The following PXK variants were observed in gnomAD, a reference collection of about 807,000 sequenced individuals.
PXK encodes PX domain-containing protein kinase-like protein.
In PXK, 35 loss-of-function variants were observed where a neutral mutation model predicts 84.7. The observed-to-expected ratio is 0.41, with a 90% CI of 0.32 to 0.55. The LOEUF (loss-of-function observed/expected upper bound fraction) is 0.55, where lower values mean the gene tolerates loss of function less well. PXK is among the 20% of genes least tolerant of loss of function. PXK has a pLI of 0.21. For synonymous variants in PXK, 253 were observed against 260.8 expected, an observed-to-expected ratio of 0.97 and a Z score of 0.29; for missense variants, 634 against 699.7, an observed-to-expected ratio of 0.91 and a Z score of 1.06.
intron 3 of PXK, 32 bp from the exon 4 acceptor site, chr3:58,382,482 A>G (rs1182087725): frequency 7.0e-6 from 10 of 1,434,150 alleles, no homozygotes; most frequent in South Asian, 1.4e-5. Context: ...TGTGGATGAC[A>G]TGAGTGTAAC....
At position 58,416,034 on chromosome 3, in the gene PXK, C is replaced by T. The variant is rs1393887366; in HGVS notation, c.1528+3071C>T. Among the ~76,000 whole-genome samples the T allele has an allele frequency of 6.6e-6, 1 of 152,112 alleles. No individual in the cohort carries two copies. The highest frequency in any genetic ancestry group is 1.5e-5 in the Non-Finnish European group (1 of 68,010). On this transcript the variant is annotated intron_variant, in intron 17 of 17. Transcript: ENST00000356151. This position sits in a 1 kb window ranked among gnomAD's most constrained non-coding sequence, Gnocchi z 4.8. ...AACTTGCTAGGGGGAGTGACTTTCTCCAAGCCTCTCAAGAAGAAACTTAGA... is the reference window on the plus strand; with the variant it reads ...AACTTGCTAGGGGGAGTGACTTTCTTCAAGCCTCTCAAGAAGAAACTTAGA...
chr3:58,370,392 C>T lies in PXK; in HGVS notation c.201+914C>T, dbSNP rs1480064193. On this transcript the variant is annotated intron_variant, in intron 3 of 17. Coordinates refer to ENST00000356151, the MANE Select transcript of PXK (RefSeq NM_017771.5). This position sits in a 1 kb window ranked among gnomAD's most constrained non-coding sequence, Gnocchi z 4.2. ...CCTTAGGAAGTCCTGCCAATACCCG[C>T]CATGTCTTCACTTGGCAGGCTGGTC... 6.6e-6 allele frequency among the ~76,000 whole-genome samples: 1 copy of T among 152,180 alleles called. No individual in the cohort carries two copies. The highest frequency in any genetic ancestry group is 2.4e-5 in the African/African-American group (1 of 41,442).
chr3:58,405,658 G>A (rs1057325777), intron 13 of PXK, among the ~76,000 whole-genome samples: 2 of 145,332 alleles, frequency 1.4e-5, no homozygotes. Flanking sequence ...CAGCCTGGGC[G>A]ACAGAGTGAG....
intron 4 of PXK, among the ~76,000 whole-genome samples, chr3:58,384,662 T>C (rs2098536257): frequency 2.6e-5 from 4 of 152,204 alleles, no homozygotes; most frequent in African/African-American, 9.6e-5. Flanking sequence ...AAATCAGCCC[T>C]AACCCAGGCC....
chr3:58,398,007 C>T lies in PXK; in HGVS notation c.1102+285C>T, dbSNP rs571669016. 2.0e-5 allele frequency among the ~76,000 whole-genome samples: 3 copies of T among 152,308 alleles called. No homozygotes were observed. The highest frequency in any genetic ancestry group is 7.2e-5 in the African/African-American group (3 of 41,556). Reference sequence around the variant, plus strand: ...AGGATGTAAAGAGAAGTATGGCCTGCATGAGTGTGATGCAGAAGCTAGAGC... The same window carrying T: ...AGGATGTAAAGAGAAGTATGGCCTGTATGAGTGTGATGCAGAAGCTAGAGC... On this transcript the variant is annotated intron_variant, in intron 11 of 17. Transcript: ENST00000356151. The surrounding 1 kb of genome is among the most constrained non-coding windows in gnomAD (Gnocchi z 4.5).
At chr3:58,355,309 C>G (rs1271740082) in intron 1 of PXK, among the ~76,000 whole-genome samples, 3 of 152,098 alleles carry the variant, frequency 2.0e-5, no homozygotes, top group Admixed American at 2.0e-4. Context: ...GGAACACTGA[C>G]AGGTTCTGCA....
rs567467830 is a variant in PXK, at chr3:58,390,595, A to G, written c.402A>G (p.Gln134=). ...YSANYTEIAL[Q]QVSMFFRSEP... Reference sequence around the variant, plus strand: ...ATGTCTTTGCAGAGATTGCCTTGCAACAGGTTTCCATGTTCTTCCGATCAG... The same window carrying G: ...ATGTCTTTGCAGAGATTGCCTTGCAGCAGGTTTCCATGTTCTTCCGATCAG... Residue 134 remains glutamine, a synonymous_variant, in exon 5 of 18, where the codon CAA becomes CAG. Coordinates refer to ENST00000356151, the MANE Select transcript of PXK (RefSeq NM_017771.5). The surrounding 1 kb of genome is among the most constrained non-coding windows in gnomAD (Gnocchi z 4.2). 34 of 1,613,040 alleles carry G rather than the reference A, an allele frequency of 2.1e-5. No homozygotes were observed. The highest frequency in any genetic ancestry group is 1.6e-4 in the Middle Eastern group (1 of 6,084).
intron 13 of PXK, among the ~76,000 whole-genome samples, chr3:58,406,347 G>T (rs1413266361): frequency 6.6e-6 from 1 of 151,608 alleles, no homozygotes; most frequent in African/African-American, 2.4e-5. Context: ...GCAATGACGG[G>T]GCTCAGTGCA....
chr3:58,333,157 C>T lies in PXK; in HGVS notation c.102+67C>T. The stretch of plus-strand genomic sequence containing the variant: ...CGGGCCGCGAGGGGGCTGCGGGCTG[C>T]CTGGCGCGGGCCGGGCAGGGTCGTC... On this transcript the variant is annotated intron_variant, in intron 1 of 17. Coordinates refer to ENST00000356151, the MANE Select transcript of PXK (RefSeq NM_017771.5). The surrounding 1 kb of genome is among the most constrained non-coding windows in gnomAD (Gnocchi z 5.4). The T allele has an allele frequency of 3.2e-6, 3 of 936,650 alleles. 1 individual carries two copies. The highest frequency in any genetic ancestry group is 1.0e-3 in the Middle Eastern group (2 of 1,944). 58.0% of individuals were successfully genotyped at this position (936,650 alleles called of 1,614,324 possible).
rs2098351063 is a variant in PXK at position 58,370,524 on chromosome 3, T to G, written c.201+1046T>G. ...AACCTGAGGAAGAGTGCACGGCTTA[T>G]GAGGTAAAGGACTCAGCCAGGAGGG... On this transcript the variant is annotated intron_variant, in intron 3 of 17. Coordinates refer to ENST00000356151, the MANE Select transcript of PXK (RefSeq NM_017771.5). The surrounding 1 kb of genome is among the most constrained non-coding windows in gnomAD (Gnocchi z 4.2). 6.6e-6 allele frequency among the ~76,000 whole-genome samples: 1 copy of G among 152,166 alleles called. No homozygotes were observed. The highest frequency in any genetic ancestry group is 1.5e-5 in the Non-Finnish European group (1 of 68,032).
chr3:58,424,217 G>C (rs1043075541), intron 17 of PXK, among the ~76,000 whole-genome samples: 26 of 152,216 alleles, frequency 1.7e-4, no homozygotes, highest in Non-Finnish European at 3.1e-4. Flanking sequence ...ATTCCTTGCT[G>C]AGAATCCTGA....
At chr3:58,365,802 A>G (rs2098261411) in intron 1 of PXK, 72 bp from the exon 2 acceptor site, 1 of 1,276,846 alleles carries the variant, frequency 7.8e-7, no homozygotes, top group Non-Finnish European at 1.1e-6. Flanking sequence ...TTTAAAACTT[A>G]TTTTTGATTC....
In PXK at chr3:58,400,557, A is replaced by G. The variant is rs1056387032; in HGVS notation, c.1181+1180A>G. 3.9e-5 allele frequency among the ~76,000 whole-genome samples: 6 copies of G among 152,172 alleles called. 1 individual carries two copies. In the East Asian group the frequency reaches 7.7e-4, roughly 20 times the overall value. The stretch of plus-strand genomic sequence containing the variant: ...ACCAAGCCCCTGCCCCGTGGATGTG[A>G]CATTCTACTGTTCCACAGACACTGA... On this transcript the variant is annotated intron_variant, in intron 12 of 17. Transcript: ENST00000356151. The surrounding 1 kb of genome is among the most constrained non-coding windows in gnomAD (Gnocchi z 4.0).
chr3:58,391,961 C>T, intron 7 of PXK, 114 bp downstream of exon 7: 3 of 950,636 alleles, frequency 3.2e-6, no homozygotes, highest in Non-Finnish European at 3.3e-6. Context: ...CAGTGGATTT[C>T]AGGTCAGACT....
chr3:58,377,180 G>T (rs759321142), intron 3 of PXK, among the ~76,000 whole-genome samples: 17 of 151,612 alleles, frequency 1.1e-4, no homozygotes, highest in Middle Eastern at 3.2e-3. Flanking sequence ...ACATATTTTC[G>T]TAATTATATT....
At chr3:58,374,124 G>A (rs62258075) in intron 3 of PXK, among the ~76,000 whole-genome samples, 43,087 of 148,510 alleles carry the variant, frequency 0.29, 6,908 homozygotes, top group Middle Eastern at 0.39. Context: ...ATAATTTTGG[G>A]CTCTAAATCC....
rs1338014450 is a variant in PXK at position 58,424,976 on chromosome 3, CT to C, written c.*18del. On this transcript the variant is annotated 3_prime_UTR_variant, in exon 18 of 18. Transcript: ENST00000356151. ...GATCGGCTGAAGCTTCCTGTTTACA[CT>C]TGGAGGGAAAAGTTCTTTTTTATTC... 3 of 1,613,216 alleles carry C rather than the reference CT, an allele frequency of 1.9e-6. No homozygotes were observed. The highest frequency in any genetic ancestry group is 2.7e-5 in the African/African-American group (2 of 74,896).
intron 1 of PXK, among the ~76,000 whole-genome samples, chr3:58,363,335 CAATT>C (rs1310337384): frequency 8.6e-5 from 13 of 152,022 alleles, no homozygotes; most frequent in Non-Finnish European, 2.9e-5. Flanking sequence ...TTGTTGAACT[CAATT>C]AATTAATTAA....
At position 58,421,308 on chromosome 3, in the gene PXK, G is replaced by T; in HGVS notation, c.1529-3444G>T. The T allele has an allele frequency of 1.0e-6, 1 of 985,188 alleles. No homozygotes were observed. The highest frequency in any genetic ancestry group is 1.2e-6 in the Non-Finnish European group (1 of 829,758). 61.0% of individuals were successfully genotyped at this position (985,188 alleles called of 1,614,324 possible). A position where few individuals can be genotyped will look rare whatever the true frequency, so the allele number is the denominator to read the frequency against. ...GAGTCGGTGGGGAAGGGAGCCAGGC[G>T]CAGTGGCTCACATCTATAATCTCAG... On this transcript the variant is annotated intron_variant, in intron 17 of 17. Coordinates refer to ENST00000356151, the MANE Select transcript of PXK (RefSeq NM_017771.5). This position sits in a 1 kb window ranked among gnomAD's most constrained non-coding sequence, Gnocchi z 5.5.
Sources: allele counts gnomAD v4.1 joint callset (sites outside exome capture counted in the v4.1 genomes callset), GRCh38; gene constraint gnomAD v4.1.1; non-coding constraint Gnocchi (gnomAD v3.1); transcripts MANE v1.5; gene names NCBI Gene and HGNC (gene_info 2026-07-23, HGNC 2026-07-21).